Variants in EHMT1 observed in about 807,000 individuals in gnomAD.
The protein encoded by EHMT1 is euchromatic histone lysine methyltransferase 1.
Under a neutral mutation model 147.2 loss-of-function variants are expected in EHMT1, and 15 were observed. The observed-to-expected ratio is 0.10, with a 90% confidence interval of 0.07 to 0.16. The LOEUF is 0.16. EHMT1 is among the 10% of genes least tolerant of loss of function. The probability of loss-of-function intolerance (pLI) is 1.00; values close to 1 mark genes in which losing one functional copy is unlikely to be tolerated. For missense variants in EHMT1, 1,587 were observed against 1,772.4 expected, an observed-to-expected ratio of 0.90 and a Z score of 1.88; for synonymous variants, 795 against 709.6, an observed-to-expected ratio of 1.12 and a Z score of -1.91.
At chr9:137,679,048 G>A (rs1941680526) in intron 1 of EHMT1, among the ~76,000 whole-genome samples, 4 of 152,128 alleles carry the variant, frequency 2.6e-5, no homozygotes, top group Admixed American at 2.6e-4. Flanking sequence ...CCGCCTCCCG[G>A]GTTCAAGTGA....
chr9:137,641,441 C>G, intron 1 of EHMT1: 1 of 526,550 alleles, frequency 1.9e-6, no homozygotes, highest in South Asian at 1.4e-5. Flanking sequence ...TCAAACAATG[C>G]AGTGCCTCTT....
chr9:137,642,381 C>T (rs1844556069), intron 1 of EHMT1, among the ~76,000 whole-genome samples: 1 of 151,996 alleles, frequency 6.6e-6, no homozygotes, highest in Admixed American at 6.6e-5. Context: ...TCATAGTGCA[C>T]CGTGGCCTTG....
chr9:137,647,727 T>TGGCATTACACGCGTGCGCC (rs1262932830), intron 1 of EHMT1, among the ~76,000 whole-genome samples: 4 of 151,944 alleles, frequency 2.6e-5, no homozygotes, highest in Non-Finnish European at 2.9e-5. Context: ...TCCGAGTAGC[T>TGGCATTACACGCGTGCGCC]GGCATTACAC....
intron 1 of EHMT1, chr9:137,667,008 G>C (rs1332566339): frequency 6.6e-6 from 1 of 152,374 alleles, no homozygotes; most frequent in East Asian, 1.9e-4. Context: ...TTCTCTCCTA[G>C]CTCTGAGGAA....
intron 16 of EHMT1, among the ~76,000 whole-genome samples, chr9:137,793,852 A>G (rs1162253404): frequency 6.6e-6 from 1 of 152,230 alleles, no homozygotes; most frequent in Non-Finnish European, 1.5e-5. Context: ...TCATAGAGAC[A>G]GAAAGTAGAC....
intron 17 of EHMT1, 174 bp from the exon 18 acceptor site, chr9:137,800,706 C>T (rs765002169): frequency 3.2e-6 from 2 of 634,356 alleles, no homozygotes; most frequent in Non-Finnish European, 5.7e-6. Flanking sequence ...GCTACCTGGG[C>T]TGTGCTCTGA....
chr9:137,799,757 GGCAGCGTCCCCATGGGCTGGAAGCA>G (rs1329790840), intron 17 of EHMT1, among the ~76,000 whole-genome samples: 1 of 152,236 alleles, frequency 6.6e-6, no homozygotes, highest in Admixed American at 6.5e-5. Context: ...TCTTGGCTGT[GGCAGCGTCCCCATGGGCTGGAAGCA>G]GCAGCGTCTG....
At position 137,754,518 on chromosome 9, in the gene EHMT1, A is replaced by AT. The variant is rs529662316; in HGVS notation, c.1369+239dup. 0.01 allele frequency among the ~76,000 whole-genome samples: 1,509 copies of AT among 147,338 alleles called. 19 individuals are homozygous for AT. The highest frequency in any genetic ancestry group is 0.03 in the African/African-American group (1,223 of 40,410). ...CTTCACTGTTGTTGTTTTTAATTTA[A>AT]TTTTTTTTTTTTGAGACAGGATCTG... On this transcript the variant is annotated intron_variant, in intron 8 of 26. Transcript: ENST00000460843.
At chr9:137,779,599 A>G (rs768487669) in intron 13 of EHMT1, 36 bp from the exon 14 acceptor site, 2 of 1,611,438 alleles carry the variant, frequency 1.2e-6, no homozygotes, top group East Asian at 2.2e-5. Context: ...TGGGATGCAG[A>G]GCCCCATGCT....
At chr9:137,679,108 G>A (rs2134483779) in intron 1 of EHMT1, among the ~76,000 whole-genome samples, 1 of 152,070 alleles carries the variant, frequency 6.6e-6, no homozygotes, top group Admixed American at 6.6e-5. Flanking sequence ...CACACGCCAT[G>A]CCCAGCTAAT....
intron 1 of EHMT1, among the ~76,000 whole-genome samples, chr9:137,635,917 T>TA (rs928431246): frequency 6.6e-6 from 1 of 151,940 alleles, no homozygotes; most frequent in Non-Finnish European, 1.5e-5. Context: ...TAAATAGAAT[T>TA]AAAAAAAATT....
intron 16 of EHMT1, 149 bp downstream of exon 16, chr9:137,791,119 T>C (rs544337788): frequency 1.5e-5 from 20 of 1,323,976 alleles, no homozygotes; most frequent in Non-Finnish European, 1.8e-5. Flanking sequence ...CATCTCACTT[T>C]GGTTACCTGG....
rs759589106 is a variant in EHMT1 at position 137,816,065 on chromosome 9, G to A, written c.3374+3G>A. 5.6e-6 allele frequency: 9 copies of A among 1,608,936 alleles called. No homozygotes were observed. Among genetic ancestry groups the A allele is most frequent in the South Asian group, 5.6e-5 (5 of 90,056 alleles). On this transcript the variant is annotated splice_donor_region_variant and intron_variant, in intron 23 of 26. Transcript: ENST00000460843. ...CGCGTCGTACAGAATGGTCTCAGGT[G>A]AGAGGCAGCTTCCTGCCGGAGCCCC...
intron 1 of EHMT1, among the ~76,000 whole-genome samples, chr9:137,676,814 C>T (rs938024912): frequency 2.0e-5 from 3 of 152,138 alleles, no homozygotes; most frequent in African/African-American, 7.2e-5. Context: ...CTTTTCAGTT[C>T]CTGGGTGAGG....
chr9:137,737,030 C>T (rs1281994574), intron 4 of EHMT1, among the ~76,000 whole-genome samples: 3 of 152,150 alleles, frequency 2.0e-5, no homozygotes, highest in Non-Finnish European at 4.4e-5. Context: ...TAGCAAAACC[C>T]TGTCTCTTAA....
In EHMT1 at chr9:137,836,065, T is replaced by G. The variant is rs1397345357; in HGVS notation, c.*1112T>G. ...TTTGACAGTTTTAAGAGCAGTCTTTTGGCTCTGACCATTTCTTGTTCTGTT... is the reference window on the plus strand; with the variant it reads ...TTTGACAGTTTTAAGAGCAGTCTTTGGGCTCTGACCATTTCTTGTTCTGTT... On this transcript the variant is annotated 3_prime_UTR_variant, in exon 27 of 27. Coordinates refer to ENST00000460843, the MANE Select transcript of EHMT1 (RefSeq NM_024757.5). 1 of 152,596 alleles carries G rather than the reference T, an allele frequency of 6.6e-6. No homozygotes were observed. Among genetic ancestry groups the G allele is most frequent in the Non-Finnish European group, 1.5e-5 (1 of 68,052 alleles). The allele number at this position is 152,596 out of a possible 1,614,324, so 9.5% of individuals were successfully genotyped here. A position where few individuals can be genotyped will look rare whatever the true frequency, so the allele number is the denominator to read the frequency against.
At chr9:137,705,672 C>T (rs1464012399) in intron 1 of EHMT1, among the ~76,000 whole-genome samples, 2 of 152,150 alleles carry the variant, frequency 1.3e-5, no homozygotes, top group Non-Finnish European at 2.9e-5. Context: ...GCAACCCACG[C>T]GGAAGGGGAG....
rs1273676607 is a variant in EHMT1, at chr9:137,775,641, C to T, written c.1791+389C>T. Among the ~76,000 whole-genome samples, 3 of 151,886 alleles carry T rather than the reference C, an allele frequency of 2.0e-5. No homozygotes were observed. The highest frequency in any genetic ancestry group is 4.4e-5 in the Non-Finnish European group (3 of 67,866). ...CTCCAGGTGGAGGCTGTACTGAGGA[C>T]GTTCATCCCCCATGACAAGGGTGTA... On this transcript the variant is annotated intron_variant, in intron 11 of 26. Transcript: ENST00000460843. The surrounding 1 kb of genome is among the most constrained non-coding windows in gnomAD (Gnocchi z 6.1).
intron 1 of EHMT1, chr9:137,641,437 A>G (rs143156524): frequency 7.6e-6 from 4 of 527,890 alleles, no homozygotes; most frequent in Non-Finnish European, 1.5e-5. Flanking sequence ...CTGGTCAAAC[A>G]ATGCAGTGCC....
Sources: allele counts gnomAD v4.1 joint callset (sites outside exome capture counted in the v4.1 genomes callset), GRCh38; gene constraint gnomAD v4.1.1; non-coding constraint Gnocchi (gnomAD v3.1); transcripts MANE v1.5; gene names NCBI Gene and HGNC (gene_info 2026-07-23, HGNC 2026-07-21).